The following ARL10 variants were observed in gnomAD, a reference collection of about 807,000 sequenced individuals.
ARL10 encodes the protein ADP-ribosylation factor-like protein 10.
Under a neutral mutation model 26.1 loss-of-function variants are expected in ARL10, and 23 were observed. That is an observed-to-expected ratio of 0.88 (90% confidence interval 0.63 to 1.25). ARL10 has a LOEUF of 1.25. ARL10 is among the 50% of genes most tolerant of loss of function. The probability of loss-of-function intolerance (pLI) is 0.00; values close to 1 mark genes in which losing one functional copy is unlikely to be tolerated. For synonymous variants in ARL10, 138 were observed against 149.1 expected, an observed-to-expected ratio of 0.93 and a Z score of 0.54; for missense variants, 300 against 323.6, an observed-to-expected ratio of 0.93 and a Z score of 0.56.
Position 176,365,778 on chromosome 5 carries a change from G to C in ARL10, c.183+32G>C, listed in dbSNP as rs749724023. The C allele has an allele frequency of 4.9e-6, 6 of 1,232,322 alleles. No individual in the cohort carries two copies. In the East Asian group the frequency reaches 1.9e-4, roughly 39 times the overall value. 76.3% of individuals were successfully genotyped at this position (1,232,322 alleles called of 1,614,324 possible). On this transcript the variant is annotated intron_variant, in intron 1 of 3. Transcript: ENST00000310389. ...GCCGGGCCGAGGCCTGCGGAAGGGCGGGCAGGCTGGGCTGCGACTCCGCGC... is the reference window on the plus strand; with the variant it reads ...GCCGGGCCGAGGCCTGCGGAAGGGCCGGCAGGCTGGGCTGCGACTCCGCGC...
chr5:176,391,189 T>C (rs990833038), downstream of ARL10, among the ~76,000 whole-genome samples: 1 of 152,172 alleles, frequency 6.6e-6, no homozygotes, highest in Non-Finnish European at 1.5e-5. Flanking sequence ...ATGATAGATG[T>C]AGAGCAGTGC....
chr5:176,384,398 A>C (rs757268282), downstream of ARL10: 24 of 1,599,846 alleles, frequency 1.5e-5, no homozygotes, highest in Admixed American at 1.7e-4. Flanking sequence ...GGCTACTTTA[A>C]GGAGGGCTAG....
Position 176,371,760 on chromosome 5 carries a change from G to T in ARL10, c.600G>T (p.Arg200=), listed in dbSNP as rs746026593. The T allele has an allele frequency of 8.6e-5, 139 of 1,614,128 alleles. No homozygotes were observed. The highest frequency in any genetic ancestry group is 1.1e-4 in the Non-Finnish European group (135 of 1,180,042). ...CCATGAGTATGGGGGAGCTGCAGCG[G>T]GAGCTGGGTCTACAGGCTATCGATA... ...SEAMSMGELQ[R]ELGLQAIDNQ... The change falls in exon 4 of 4, where the codon CGG becomes CGT. Residue 200 remains arginine (R), a synonymous_variant. Transcript: ENST00000310389.
downstream of ARL10, chr5:176,385,890 C>G (rs1285439363): frequency 6.5e-6 from 1 of 152,678 alleles, no homozygotes; most frequent in Non-Finnish European, 1.5e-5. Flanking sequence ...CAGGCAAATC[C>G]TACTCCATTT....
At chr5:176,391,571 C>G (rs1000043248), downstream of ARL10, among the ~76,000 whole-genome samples, 1 of 152,144 alleles carries the variant, frequency 6.6e-6, no homozygotes, top group African/African-American at 2.4e-5. Context: ...GAGATTGCAC[C>G]ACTGCACTCC....
chr5:176,410,986 C>A, the ARL10 span, among the ~76,000 whole-genome samples: 2 of 152,220 alleles, frequency 1.3e-5, no homozygotes, highest in African/African-American at 4.8e-5. Context: ...TTGCCCTCCA[C>A]TCTCTCCCGC....
At chr5:176,382,813 C>T (rs917910088), downstream of ARL10, among the ~76,000 whole-genome samples, 1 of 152,292 alleles carries the variant, frequency 6.6e-6, no homozygotes, top group East Asian at 1.9e-4. Flanking sequence ...GTAGGGAAGG[C>T]TTCCTAAAGT....
chr5:176,366,380 C>T lies in ARL10; in HGVS notation c.184C>T (p.Pro62Ser). 3 of 1,606,700 alleles carry T rather than the reference C, an allele frequency of 1.9e-6. No individual in the cohort carries two copies. The highest frequency in any genetic ancestry group is 2.5e-6 in the Non-Finnish European group (3 of 1,178,768). Residue 62 changes from proline to serine, a missense_variant and splice_region_variant, in exon 2 of 4, where the codon CCC (proline) becomes TCC (serine). Pro to Ser is a moderately conservative substitution (Grantham distance 74, BLOSUM62 -1). Coordinates refer to ENST00000310389, the MANE Select transcript of ARL10 (RefSeq NM_173664.6). ...CAACCTTACCTCCGCTTCCCCGCAG[C>T]CCGAGGACGAGGAGGACGAGGAGCC... ...ARLPEWDEWD[P>S]EDEEDEEPAL... is the part of the protein sequence containing the mutation.
intron 3 of ARL10, among the ~76,000 whole-genome samples, chr5:176,370,088 A>G (rs779730093): frequency 1.3e-5 from 2 of 152,214 alleles, no homozygotes; most frequent in Non-Finnish European, 2.9e-5. Context: ...GAGAGGTAGA[A>G]CAGGTTAAAT....
At position 176,380,231 on chromosome 5, in the gene ARL10, C is replaced by T. The variant is rs1241980567; in HGVS notation, c.*8336C>T. ...ATGTGCTGCATGAGCCTTTCATTTG[C>T]GTTTTGTAAAGAATCTTTTAGGCAA... On this transcript the variant is annotated 3_prime_UTR_variant, in exon 4 of 4. Transcript: ENST00000310389. The T allele has an allele frequency of 6.6e-6, 1 of 152,130 alleles. No individual in the cohort carries two copies. Among genetic ancestry groups the T allele is most frequent in the East Asian group, 1.9e-4 (1 of 5,200 alleles). The allele number at this position is 152,130 out of a possible 1,614,324, so 9.4% of individuals were successfully genotyped here. A position where few individuals can be genotyped will look rare whatever the true frequency, so the allele number is the denominator to read the frequency against.
In ARL10 at chr5:176,366,395, G is replaced by A. The variant is rs1350463279; in HGVS notation, c.199G>A (p.Asp67Asn). The A allele has an allele frequency of 1.9e-6, 3 of 1,610,092 alleles. No individual in the cohort carries two copies. The highest frequency in any genetic ancestry group is 2.5e-6 in the Non-Finnish European group (3 of 1,179,442). ...TTCCCCGCAGCCCGAGGACGAGGAG[G>A]ACGAGGAGCCGGCGCTGGAGGAGCT... ...WDEWDPEDEE[D>N]EEPALEELEQ... The change falls in exon 2 of 4, where the codon GAC becomes AAC. Residue 67 changes from aspartate to asparagine, a missense_variant. Physicochemically the swap from Asp to Asn is conservative, Grantham distance 23. Transcript: ENST00000310389.
At chr5:176,391,089 C>T (rs1235998257), downstream of ARL10, among the ~76,000 whole-genome samples, 1 of 152,150 alleles carries the variant, frequency 6.6e-6, no homozygotes, top group Non-Finnish European at 1.5e-5. Context: ...CCTTCTTGAA[C>T]CCCCCAACAG....
chr5:176,375,096 CCA>C lies in ARL10; in HGVS notation c.*3202_*3203del. On this transcript the variant is annotated 3_prime_UTR_variant, in exon 4 of 4. Coordinates refer to ENST00000310389, the MANE Select transcript of ARL10 (RefSeq NM_173664.6). The stretch of plus-strand genomic sequence containing the variant: ...TGGCCTCATCCATCCATCCATCCAT[CCA>C]TCCATCCATCCCTCCATCCGTCCAC... The C allele has an allele frequency of 6.7e-6, 1 of 149,622 alleles. No individual in the cohort carries two copies. The highest frequency in any genetic ancestry group is 6.7e-5 in the Admixed American group (1 of 14,968). The allele number at this position is 149,622 out of a possible 1,614,324, so 9.3% of individuals were successfully genotyped here.
chr5:176,393,564 T>C (rs1581419884), downstream of ARL10, among the ~76,000 whole-genome samples: 1 of 152,168 alleles, frequency 6.6e-6, no homozygotes, highest in East Asian at 1.9e-4. This position sits in a 1 kb window ranked among gnomAD's most constrained non-coding sequence, Gnocchi z 4.4. Flanking sequence ...CCCTCCAAGG[T>C]GTGTATGTGA....
At position 176,371,856 on chromosome 5, in the gene ARL10, C is replaced by T. The variant is rs755526248; in HGVS notation, c.696C>T (p.Thr232=). ...GACCCACCTTTGAAGAGCCTGGCAC[C>T]GTGCACATCTGGAAACTGCTCTTGG... ...PAGPTFEEPG[T]VHIWKLLLEL... The change falls in exon 4 of 4, where the codon ACC becomes ACT. Residue 232 remains threonine, a synonymous_variant. Transcript: ENST00000310389. 26 of 1,614,070 alleles carry T rather than the reference C, an allele frequency of 1.6e-5. No individual in the cohort carries two copies. In the East Asian group the frequency reaches 2.7e-4, roughly 17 times the overall value.
exon 2 of ARL10, chr5:176,388,556 C>T (rs767108492): frequency 6.3e-7 from 1 of 1,599,392 alleles, no homozygotes; most frequent in East Asian, 2.2e-5. Context: ...GACCACCGCA[C>T]CAGCAGCTCA....
downstream of ARL10, among the ~76,000 whole-genome samples, chr5:176,391,474 TG>T (rs1479302506): frequency 6.6e-6 from 1 of 152,106 alleles, no homozygotes; most frequent in Non-Finnish European, 1.5e-5. Flanking sequence ...TAGCCAAATG[TG>T]GTGGCACGTG....
chr5:176,389,108 G>A (rs938257257), downstream of ARL10: 20 of 1,243,854 alleles, frequency 1.6e-5, no homozygotes, highest in Non-Finnish European at 2.1e-5. Flanking sequence ...GGGGCGGTGA[G>A]GGGCGAAACT....
rs1468251289 is a variant in ARL10 at position 176,375,109 on chromosome 5, C to CGT, written c.*3214_*3215insGT. On this transcript the variant is annotated 3_prime_UTR_variant, in exon 4 of 4. Coordinates refer to ENST00000310389, the MANE Select transcript of ARL10 (RefSeq NM_173664.6). ...CCATCCATCCATCCATCCATCCATC[C>CGT]CTCCATCCGTCCACCCGTCCACCCG... 1 of 146,692 alleles carries CGT rather than the reference C, an allele frequency of 6.8e-6. No individual in the cohort carries two copies. The highest frequency in any genetic ancestry group is 1.5e-5 in the Non-Finnish European group (1 of 66,196). The allele number at this position is 146,692 out of a possible 1,614,324, so 9.1% of individuals were successfully genotyped here. A position where few individuals can be genotyped will look rare whatever the true frequency, so the allele number is the denominator to read the frequency against.
Sources: allele counts gnomAD v4.1 joint callset (sites outside exome capture counted in the v4.1 genomes callset), GRCh38; gene constraint gnomAD v4.1.1; non-coding constraint Gnocchi (gnomAD v3.1); transcripts MANE v1.5; gene names NCBI Gene and HGNC (gene_info 2026-07-23, HGNC 2026-07-21).